COLEC11: variants seen among roughly 807,000 people sequenced by gnomAD.
The protein encoded by COLEC11 is collectin subfamily member 11, also known as collectin-11.
Under a neutral mutation model 27.3 loss-of-function variants are expected in COLEC11, and 20 were observed. The ratio of observed to expected loss-of-function variants is 0.73; its 90% CI spans 0.51 to 1.06. COLEC11 has a LOEUF of 1.06. COLEC11 is among the 50% of genes least tolerant of loss of function. The pLI is 0.00. For synonymous variants in COLEC11, 163 were observed against 154.7 expected (o/e 1.05, Z -0.40); for missense variants, 310 against 383.0 (o/e 0.81, Z 1.59).
chr2:3,635,766 C>T (rs908390040), intron 3 of COLEC11, among the ~76,000 whole-genome samples: 2 of 152,216 alleles, frequency 1.3e-5, no homozygotes, highest in Admixed American at 6.5e-5. Flanking sequence ...GTCCCTGCAT[C>T]GTCCCCCAGG....
In COLEC11 at chr2:3,639,302, C is replaced by T. The variant is rs1025092833; in HGVS notation, c.275-976C>T. ...TGGGGATGTGTATACTTTTACCATG[C>T]GGTGTGTGCTCTGGGCAGATTCCGG... On this transcript the variant is annotated intron_variant, in intron 4 of 6. Coordinates refer to ENST00000349077, the MANE Select transcript of COLEC11 (RefSeq NM_024027.5). Among the ~76,000 whole-genome samples the T allele has an allele frequency of 6.6e-5, 10 of 152,320 alleles. No individual in the cohort carries two copies. The South Asian group carries it at 2.1e-3, about 32-fold the overall frequency.
intron 4 of COLEC11, 118 bp from the exon 5 acceptor site, chr2:3,640,160 C>G (rs1264855727): frequency 6.8e-6 from 5 of 730,232 alleles, no homozygotes; most frequent in Non-Finnish European, 1.2e-5. Context: ...TACTTTGTAG[C>G]AACAAGAGGG....
At position 3,633,545 on chromosome 2, in the gene COLEC11, T is replaced by C. The variant is rs543908932; in HGVS notation, c.203-3988T>C. On this transcript the variant is annotated intron_variant, in intron 3 of 6. Coordinates refer to ENST00000349077, the MANE Select transcript of COLEC11 (RefSeq NM_024027.5). ...AGAAACCCTTGCGCTGGCTGCTTGC[T>C]GATTGTGAGGGTGCTGTGAGCGCGT... 3.9e-5 allele frequency among the ~76,000 whole-genome samples: 6 copies of C among 152,262 alleles called. No individual in the cohort carries two copies. In the East Asian group the frequency reaches 1.2e-3, roughly 30 times the overall value.
intron 3 of COLEC11, among the ~76,000 whole-genome samples, chr2:3,634,313 T>C (rs866869470): frequency 2.6e-5 from 4 of 152,080 alleles, no homozygotes; most frequent in South Asian, 2.1e-4. Flanking sequence ...AGACAGATAA[T>C]AGTTTTTAAA....
chr2:3,640,345 G>A lies in COLEC11; in HGVS notation c.328+14G>A. The A allele has an allele frequency of 6.7e-7, 1 of 1,487,978 alleles. No homozygotes were observed. 92.2% of individuals were successfully genotyped at this position (1,487,978 alleles called of 1,614,324 possible). ...ATGGAGAACCAGGTATGGCATAAAG[G>A]GTCCAAGGATTTTTAATAAAATGTA... On this transcript the variant is annotated intron_variant, in intron 5 of 6. Transcript: ENST00000349077.
intron 2 of COLEC11, among the ~76,000 whole-genome samples, chr2:3,610,518 G>A (rs752604503): frequency 3.9e-5 from 6 of 152,140 alleles, no homozygotes; most frequent in Non-Finnish European, 5.9e-5. Flanking sequence ...ACATTCTTCC[G>A]CCCTCATCTC....
Position 3,643,967 on chromosome 2 carries a change from T to A in COLEC11, c.665T>A (p.Met222Lys), listed in dbSNP as rs755606600. 3.7e-6 allele frequency: 6 copies of A among 1,614,024 alleles called. No individual in the cohort carries two copies. Among genetic ancestry groups the A allele is most frequent in the Non-Finnish European group, 5.1e-6 (6 of 1,180,048 alleles). Reference protein sequence around the residue: ...GAFVYSDHSPMRTFNKWRSGE... With the variant: ...GAFVYSDHSPKRTFNKWRSGE... The stretch of plus-strand genomic sequence containing the variant: ...TTCGTGTACTCTGACCACTCCCCCA[T>A]GCGGACCTTCAACAAGTGGCGCAGC... The change falls in exon 7 of 7, where the codon ATG becomes AAG. Residue 222 changes from methionine to lysine, a missense_variant. Transcript: ENST00000349077.
intron 3 of COLEC11, among the ~76,000 whole-genome samples, chr2:3,630,485 T>A (rs2147935684): frequency 6.6e-6 from 1 of 152,344 alleles, no homozygotes; most frequent in East Asian, 1.9e-4. Flanking sequence ...TCCCAGGAAT[T>A]CCCATGTGGT....
At chr2:3,634,670 G>C (rs1457413168) in intron 3 of COLEC11, among the ~76,000 whole-genome samples, 1 of 151,528 alleles carries the variant, frequency 6.6e-6, no homozygotes. Flanking sequence ...GCAGGAACGG[G>C]TACCTGGCAT....
At chr2:3,607,227 GATA>G (rs886475813) in intron 2 of COLEC11, among the ~76,000 whole-genome samples, 4 of 152,036 alleles carry the variant, frequency 2.6e-5, no homozygotes, top group African/African-American at 7.2e-5. Context: ...GGCCATTTCA[GATA>G]ATAATAATAT....
chr2:3,628,818 C>G (rs762577369), intron 3 of COLEC11, among the ~76,000 whole-genome samples: 19 of 152,264 alleles, frequency 1.2e-4, no homozygotes, highest in Non-Finnish European at 2.9e-5. Context: ...CTGCTTTGAG[C>G]TGCCCTCAAT....
In COLEC11 at chr2:3,602,262, C is replaced by T. The variant is rs1558484519; in HGVS notation, c.-26-2053C>T. Among the ~76,000 whole-genome samples the T allele has an allele frequency of 6.6e-6, 1 of 152,086 alleles. No homozygotes were observed. On this transcript the variant is annotated intron_variant, in intron 1 of 6. Transcript: ENST00000349077. This position sits in a 1 kb window ranked among gnomAD's most constrained non-coding sequence, Gnocchi z 6.2. The stretch of plus-strand genomic sequence containing the variant: ...GAGAAAATGGAGGGTACCCTGACCC[C>T]CAAGCCTTGCAAACCGAACCATTGC...
intron 3 of COLEC11, among the ~76,000 whole-genome samples, chr2:3,628,932 C>T (rs1367712687): frequency 1.3e-5 from 2 of 152,200 alleles, no homozygotes; most frequent in Admixed American, 1.3e-4. Context: ...CCGGGTGCCA[C>T]AGCCAGAAGC....
Position 3,644,107 on chromosome 2 carries a change from G to A in COLEC11, c.805G>A (p.Glu269Lys), listed in dbSNP as rs772174556. ...TMYFMCEFDK[E>K]NM ...GTACTTCATGTGTGAGTTTGACAAG[G>A]AGAACATGTGAGCCTCAGGCTGGGG... is the stretch of plus-strand genomic sequence containing the variant. Residue 269 changes from glutamate (E) to lysine (K), a missense_variant, in exon 7 of 7, where the codon GAG becomes AAG. Physicochemically the swap from Glu to Lys is moderately conservative, Grantham distance 56. Transcript: ENST00000349077. 8 of 1,610,982 alleles carry A rather than the reference G, an allele frequency of 5.0e-6. No homozygotes were observed. In the South Asian group the frequency reaches 8.8e-5, roughly 18 times the overall value.
Position 3,611,174 on chromosome 2 carries a change from C to G in COLEC11, c.131-2137C>G, listed in dbSNP as rs991870472. 6.8e-5 allele frequency among the ~76,000 whole-genome samples: 10 copies of G among 147,178 alleles called. No individual in the cohort carries two copies. The South Asian group carries it at 1.6e-3, about 24-fold the overall frequency. On this transcript the variant is annotated intron_variant, in intron 2 of 6. Coordinates refer to ENST00000349077, the MANE Select transcript of COLEC11 (RefSeq NM_024027.5). ...CATTGGCATTTGTGAGTTTTTCCTT[C>G]AACTCTCAACTTCGTAACTTCAAAA...
In COLEC11 at chr2:3,630,053, C is replaced by T. The variant is rs192932881; in HGVS notation, c.203-7480C>T. ...TGTGTTTTTATGTGTGCATATGTTACGTGTTTGCATATTGCATATCTGTTA... is the reference window on the plus strand; with the variant it reads ...TGTGTTTTTATGTGTGCATATGTTATGTGTTTGCATATTGCATATCTGTTA... On this transcript the variant is annotated intron_variant, in intron 3 of 6. Transcript: ENST00000349077. Among the ~76,000 whole-genome samples, 475 of 125,818 alleles carry T rather than the reference C, an allele frequency of 3.8e-3. 1 individual carries two copies. Among genetic ancestry groups the T allele is most frequent in the African/African-American group, 0.013 (425 of 32,182 alleles). The allele number at this position is 125,818 out of a possible 152,430, so 82.5% of individuals were successfully genotyped here. A position where few individuals can be genotyped will look rare whatever the true frequency, so the allele number is the denominator to read the frequency against.
In COLEC11 at chr2:3,617,600, G is replaced by A. The variant is rs539132354; in HGVS notation, c.202+4218G>A. ...TTCAGTCGTTTCTTTGGAAGGCAGT[G>A]GATTTTTCTCTTGAGTCTCTGTCTT... On this transcript the variant is annotated intron_variant, in intron 3 of 6. Coordinates refer to ENST00000349077, the MANE Select transcript of COLEC11 (RefSeq NM_024027.5). 8.1e-6 allele frequency: 13 copies of A among 1,611,852 alleles called. No homozygotes were observed. In the South Asian group the frequency reaches 1.4e-4, roughly 18 times the overall value.
intron 3 of COLEC11, among the ~76,000 whole-genome samples, chr2:3,618,762 T>A (rs1663966531): frequency 6.6e-6 from 1 of 152,226 alleles, no homozygotes; most frequent in Admixed American, 6.5e-5. Context: ...ATCTGTAGAT[T>A]GCATTGGGTA....
chr2:3,619,884 C>G (rs1243442269), intron 3 of COLEC11, among the ~76,000 whole-genome samples: 1 of 152,162 alleles, frequency 6.6e-6, no homozygotes, highest in Non-Finnish European at 1.5e-5. Flanking sequence ...CCTTGGCCTC[C>G]CAAAGTGCTG....
Sources: allele counts gnomAD v4.1 joint callset (sites outside exome capture counted in the v4.1 genomes callset), GRCh38; gene constraint gnomAD v4.1.1; non-coding constraint Gnocchi (gnomAD v3.1); transcripts MANE v1.5; gene names NCBI Gene and HGNC (gene_info 2026-07-23, HGNC 2026-07-21).